Variants in POGZ observed in about 807,000 individuals in gnomAD.
POGZ encodes the protein pogo transposable element derived with ZNF domain, also known as pogo transposable element with ZNF domain.
A neutral mutation model predicts 134.6 loss-of-function variants in POGZ; 17 were observed. That is an observed-to-expected ratio of 0.13 (90% CI 0.09 to 0.19). The LOEUF is 0.19. Ranked by LOEUF, POGZ falls within the 10% of genes least tolerant of loss-of-function variation. The pLI, the probability that POGZ is intolerant of heterozygous loss-of-function variation, is 1.00. For missense variants in POGZ, 1,306 were observed against 1,769.7 expected, an observed-to-expected ratio of 0.74 and a Z score of 4.70; for synonymous variants, 693 against 657.1, an observed-to-expected ratio of 1.05 and a Z score of -0.84.
intron 3 of POGZ, among the ~76,000 whole-genome samples, chr1:151,433,136 G>A (rs996080950): frequency 6.6e-6 from 1 of 152,084 alleles, no homozygotes; most frequent in Non-Finnish European, 1.5e-5. Flanking sequence ...AATACAAGAA[G>A]GGAAAGATGG....
chr1:151,452,109 A>C lies in POGZ; in HGVS notation c.-2+7043T>G, dbSNP rs1303257855. Among the ~76,000 whole-genome samples, 5 of 125,610 alleles carry C rather than the reference A, an allele frequency of 4.0e-5. 1 individual carries two copies. In the East Asian group the frequency reaches 6.4e-4, roughly 16 times the overall value. The allele number at this position is 125,610 out of a possible 152,430, so 82.4% of individuals were successfully genotyped here. A position where few individuals can be genotyped will look rare whatever the true frequency, so the allele number is the denominator to read the frequency against. ...CAAGACTCCGTCTCAAAAAAAAAAAAAAAAAAAAAAAAAGTCAATGTTGGC... is the reference window on the plus strand; with the variant it reads ...CAAGACTCCGTCTCAAAAAAAAAAACAAAAAAAAAAAAAGTCAATGTTGGC... On this transcript the variant is annotated intron_variant, in intron 1 of 18. Coordinates refer to ENST00000271715, the MANE Select transcript of POGZ (RefSeq NM_015100.4).
At chr1:151,439,352 A>C (rs948940092) in intron 3 of POGZ, among the ~76,000 whole-genome samples, 4 of 152,170 alleles carry the variant, frequency 2.6e-5, no homozygotes, top group Non-Finnish European at 4.4e-5. Context: ...TCCCCATAAA[A>C]TCATCATATT....
chr1:151,427,681 T>C (rs915531227), intron 7 of POGZ, 142 bp downstream of exon 7: 2 of 632,546 alleles, frequency 3.2e-6, no homozygotes, highest in African/African-American at 3.7e-5. Context: ...GCTTTCTCCT[T>C]ACTAAAGTTT....
At chr1:151,417,413 T>C (rs947517357) in intron 10 of POGZ, among the ~76,000 whole-genome samples, 3 of 150,466 alleles carry the variant, frequency 2.0e-5, no homozygotes, top group Admixed American at 1.3e-4. Flanking sequence ...CAAGCTGTAG[T>C]GCAATGGTGT....
In POGZ at chr1:151,423,473, G is replaced by C. The variant is rs770967048; in HGVS notation, c.1602C>G (p.His534Gln). The change falls in exon 10 of 19, where the codon CAC becomes CAG. Residue 534 changes from histidine to glutamine, a missense_variant. His to Gln is a conservative substitution (Grantham distance 24). Around this residue, in one of 10 missense-constraint regions of POGZ, gnomAD observed 541 missense variants for 680.5 expected, o/e 0.80. Coordinates refer to ENST00000271715, the MANE Select transcript of POGZ (RefSeq NM_015100.4). Reference sequence around the variant, plus strand: ...AGGGAGTGGAAAACTGGCGGTAACAGTGCTGGCAGATAGTGTGACCATCTA... The same window carrying C: ...AGGGAGTGGAAAACTGGCGGTAACACTGCTGGCAGATAGTGTGACCATCTA... ...GEVDGHTICQHCYRQFSTPFQ... is the reference protein window; with the variant it reads ...GEVDGHTICQQCYRQFSTPFQ... 4 of 1,613,892 alleles carry C rather than the reference G, an allele frequency of 2.5e-6. No homozygotes were observed. Among genetic ancestry groups the C allele is most frequent in the Non-Finnish European group, 3.4e-6 (4 of 1,179,746 alleles).
intron 3 of POGZ, among the ~76,000 whole-genome samples, 179 bp from the exon 4 acceptor site, chr1:151,431,020 C>T (rs1658610224): frequency 6.6e-6 from 1 of 152,030 alleles, no homozygotes; most frequent in Admixed American, 6.6e-5. Context: ...ACTGCAGCCT[C>T]AAGTTCCTGG....
At position 151,427,813 on chromosome 1, in the gene POGZ, G is replaced by GTAA; in HGVS notation, c.1078+9_1078+10insTTA. On this transcript the variant is annotated intron_variant, in intron 7 of 18. Transcript: ENST00000271715. ...TGACTGGCTGCTCAGAGTCTTTCAG[G>GTAA]TTATTGTACCTTTCATTGAAGACTC... 1 of 1,581,766 alleles carries GTAA rather than the reference G, an allele frequency of 6.3e-7. No homozygotes were observed. The highest frequency in any genetic ancestry group is 8.7e-7 in the Non-Finnish European group (1 of 1,150,908).
At chr1:151,429,833 T>C (rs1658404214) in intron 4 of POGZ, 122 bp from the exon 5 acceptor site, 2 of 494,094 alleles carry the variant, frequency 4.0e-6, no homozygotes, top group Admixed American at 7.6e-5. Flanking sequence ...TTCTCTAGAA[T>C]TAGAGGTTTC....
chr1:151,431,042 T>G (rs1658613806), intron 3 of POGZ, among the ~76,000 whole-genome samples: 2 of 151,992 alleles, frequency 1.3e-5, no homozygotes, highest in Admixed American at 1.3e-4. Context: ...CTCAGGTGAT[T>G]CTTCCACCTC....
Position 151,403,260 on chromosome 1 carries a change from T to C in POGZ, c.*1542A>G. 2.0e-6 allele frequency: 2 copies of C among 985,732 alleles called. No individual in the cohort carries two copies. The highest frequency in any genetic ancestry group is 2.4e-6 in the Non-Finnish European group (2 of 829,872). 61.1% of individuals were successfully genotyped at this position (985,732 alleles called of 1,614,324 possible). A position where few individuals can be genotyped will look rare whatever the true frequency, so the allele number is the denominator to read the frequency against. ...TGGGAGAAATGGGTGGTAACAAATG[T>C]CACACCTGTACCACCAGGCCCATCA... On this transcript the variant is annotated 3_prime_UTR_variant, in exon 19 of 19. Coordinates refer to ENST00000271715, the MANE Select transcript of POGZ (RefSeq NM_015100.4).
chr1:151,408,186 G>T lies in POGZ; in HGVS notation c.2289C>A (p.Phe763Leu), dbSNP rs777459840. Reference protein sequence around the residue: ...CLECSFEIPDFPNHFPTYVHC... With the variant: ...CLECSFEIPDLPNHFPTYVHC... Reference sequence around the variant, plus strand: ...GTACGTAAGTAGGGAAATGATTAGGGAAGTCTGGGATCTCGAAGCTGCACT... The same window carrying T: ...GTACGTAAGTAGGGAAATGATTAGGTAAGTCTGGGATCTCGAAGCTGCACT... The change falls in exon 15 of 19, where the codon TTC becomes TTA. Residue 763 changes from phenylalanine to leucine, a missense_variant. Phe to Leu is a conservative substitution (Grantham distance 22). Transcript: ENST00000271715. 6.2e-7 allele frequency: 1 copy of T among 1,613,394 alleles called. No homozygotes were observed.
Position 151,423,470 on chromosome 1 carries a change from A to G in POGZ, c.1605T>C (p.Cys535=). The G allele has an allele frequency of 6.2e-7, 1 of 1,614,040 alleles. No individual in the cohort carries two copies. Among genetic ancestry groups the G allele is most frequent in the Non-Finnish European group, 8.5e-7 (1 of 1,179,872 alleles). ...EVDGHTICQH[C]YRQFSTPFQL... ...GGAAGGGAGTGGAAAACTGGCGGTAACAGTGCTGGCAGATAGTGTGACCAT... is the reference window on the plus strand; with the variant it reads ...GGAAGGGAGTGGAAAACTGGCGGTAGCAGTGCTGGCAGATAGTGTGACCAT... The change falls in exon 10 of 19, where the codon TGT becomes TGC. Residue 535 remains cysteine, a synonymous_variant. Transcript: ENST00000271715.
intron 3 of POGZ, among the ~76,000 whole-genome samples, chr1:151,431,577 C>CGTA (rs1658704063): frequency 6.6e-6 from 1 of 152,112 alleles, no homozygotes; most frequent in African/African-American, 2.4e-5. Flanking sequence ...GGCTACCTAC[C>CGTA]GTAGCCCTCT....
At chr1:151,422,563 C>A (rs761247825) in intron 10 of POGZ, among the ~76,000 whole-genome samples, 2 of 152,038 alleles carry the variant, frequency 1.3e-5, no homozygotes, top group Non-Finnish European at 2.9e-5. Flanking sequence ...ACTGAAAGCA[C>A]TGTCTTAATG....
At chr1:151,444,972 A>AGCTCGAGGTTACAGTAACTGCAGTG (rs1046503404) in intron 1 of POGZ, among the ~76,000 whole-genome samples, 2 of 152,084 alleles carry the variant, frequency 1.3e-5, no homozygotes, top group Non-Finnish European at 2.9e-5. Flanking sequence ...GGTTACAGTG[A>AGCTCGAGGTTACAGTAACTGCAGTG]GCTCGAGGTT....
intron 1 of POGZ, among the ~76,000 whole-genome samples, chr1:151,445,522 C>CAAAAAAAAAAAAAAA (rs201269208): frequency 1.9e-5 from 1 of 52,918 alleles, no homozygotes. Context: ...GACTCTGTCT[C>CAAAAAAAAAAAAAAA]AAAAAAAAAA....
intron 1 of POGZ, among the ~76,000 whole-genome samples, chr1:151,448,153 A>G (rs1661535296): frequency 6.6e-6 from 1 of 152,026 alleles, no homozygotes; most frequent in Non-Finnish European, 1.5e-5. Context: ...ACATCCACAA[A>G]TATATTTCTT....
intron 1 of POGZ, among the ~76,000 whole-genome samples, chr1:151,449,822 G>A (rs1053346220): frequency 2.6e-5 from 4 of 152,148 alleles, no homozygotes; most frequent in African/African-American, 9.7e-5. Context: ...CATGAACCTG[G>A]GAGATGCAGC....
At position 151,406,392 on chromosome 1, in the gene POGZ, A is replaced by G; in HGVS notation, c.2643T>C (p.Thr881=). 6.3e-7 allele frequency: 1 copy of G among 1,576,054 alleles called. No homozygotes were observed. The highest frequency in any genetic ancestry group is 1.2e-5 in the South Asian group (1 of 84,054). ...CAGATTTCACAGTGGCAGCTTTGTT[A>G]GTGGGGAAGGAAGGAGGAGGGTACA... ...KNMYPPPSFP[T]NKAATVKSAG... is the part of the protein sequence containing the mutation. The change falls in exon 19 of 19, where the codon ACT becomes ACC. Residue 881 remains threonine (T), a synonymous_variant. Transcript: ENST00000271715.
Sources: allele counts gnomAD v4.1 joint callset (sites outside exome capture counted in the v4.1 genomes callset), GRCh38; gene constraint gnomAD v4.1.1; regional missense constraint gnomAD v4.1.1; transcripts MANE v1.5; gene names NCBI Gene and HGNC (gene_info 2026-07-23, HGNC 2026-07-21).